Variants in DLC1 observed in about 807,000 individuals in gnomAD.
DLC1 encodes the protein rho GTPase-activating protein 7.
DLC1 carries 54 observed loss-of-function variants against 140.3 expected under a neutral mutation model. The ratio of observed to expected loss-of-function variants is 0.38; its 90% CI spans 0.31 to 0.48. DLC1 has a LOEUF of 0.48. DLC1 is among the 20% of genes least tolerant of loss of function. DLC1 has a pLI of 0.96. For synonymous variants in DLC1, 986 were observed against 728.1 expected, an observed-to-expected ratio of 1.35 and a Z score of -5.70; for missense variants, 2,536 against 1,907.0, an observed-to-expected ratio of 1.33 and a Z score of -6.14.
rs973811381 is a variant in DLC1 at position 13,099,652 on chromosome 8, C to T, written c.2685G>A (p.Ala895=). The change falls in exon 9 of 18, where the codon GCG becomes GCA. Residue 895 remains alanine (A), a synonymous_variant. Transcript: ENST00000276297. ...GGAAGATGTCCTCGTTCTCCAGATC[C>T]GCCAGGTCCCCTGAACTGGAGTAGA... is the stretch of plus-strand genomic sequence containing the variant. ...SILYSSSGDL[A]DLENEDIFPE... The T allele has an allele frequency of 4.3e-6, 7 of 1,614,152 alleles. No individual in the cohort carries two copies. The highest frequency in any genetic ancestry group is 5.1e-6 in the Non-Finnish European group (6 of 1,180,026).
At chr8:13,395,004 T>TTCTATCTATCCATCTA (rs1836957230) in intron 3 of DLC1, among the ~76,000 whole-genome samples, 1 of 100,770 alleles carries the variant, frequency 9.9e-6, no homozygotes, top group Non-Finnish European at 1.9e-5. Flanking sequence ...CTACTACATA[T>TTCTATCTATCCATCTA]TCTATCTATC....
chr8:13,268,673 T>A (rs1830789657), intron 5 of DLC1, among the ~76,000 whole-genome samples: 1 of 151,982 alleles, frequency 6.6e-6, no homozygotes, highest in African/African-American at 2.4e-5. Context: ...ATAAGCCACC[T>A]GGCCCAGCCT....
intron 5 of DLC1, among the ~76,000 whole-genome samples, chr8:13,158,678 A>G (rs1299334730): frequency 7.0e-6 from 1 of 142,396 alleles, no homozygotes; most frequent in Non-Finnish European, 1.5e-5. Flanking sequence ...AGTGCTTTTC[A>G]TTAAGGTTCC....
chr8:13,523,078 G>A (rs903012899), intron 1 of DLC1, among the ~76,000 whole-genome samples: 98 of 152,302 alleles, frequency 6.4e-4, no homozygotes, highest in African/African-American at 2.3e-3. Context: ...TTCAGTGAAA[G>A]GTAGAGCCCT....
intron 1 of DLC1, among the ~76,000 whole-genome samples, chr8:13,534,987 C>A (rs1036942204): frequency 2.0e-5 from 3 of 152,078 alleles, no homozygotes; most frequent in African/African-American, 7.3e-5. Context: ...TAGGAGAATC[C>A]TTATCTCTCG....
chr8:13,377,782 T>G (rs1182621893), intron 4 of DLC1, among the ~76,000 whole-genome samples: 1 of 152,022 alleles, frequency 6.6e-6, no homozygotes, highest in Non-Finnish European at 1.5e-5. Context: ...GAGGCACAAA[T>G]CTTGAATAGG....
intron 4 of DLC1, among the ~76,000 whole-genome samples, chr8:13,316,683 G>A (rs1418651655): frequency 6.6e-6 from 1 of 152,034 alleles, no homozygotes; most frequent in East Asian, 1.9e-4. Context: ...TTGCACCTAA[G>A]GTCATTGGTT....
At chr8:13,304,937 G>T in intron 5 of DLC1, 2 of 1,014,692 alleles carry the variant, frequency 2.0e-6, no homozygotes, top group Non-Finnish European at 2.4e-6. Context: ...ATAAACCTTG[G>T]TAATTATTAA....
At chr8:13,332,229 G>A (rs1023386888) in intron 4 of DLC1, among the ~76,000 whole-genome samples, 12 of 152,052 alleles carry the variant, frequency 7.9e-5, no homozygotes, top group African/African-American at 1.2e-4. Context: ...CTGCCTTAGC[G>A]AATAAAGCGT....
chr8:13,587,059 C>G (rs1442992184), intron 1 of DLC1, among the ~76,000 whole-genome samples: 1 of 143,386 alleles, frequency 7.0e-6, no homozygotes, highest in East Asian at 2.2e-4. Flanking sequence ...AAAACAAGCT[C>G]CACTTGGGAA....
chr8:13,569,255 C>G (rs1277397907), intron 1 of DLC1, among the ~76,000 whole-genome samples: 1 of 152,090 alleles, frequency 6.6e-6, no homozygotes, highest in Non-Finnish European at 1.5e-5. Flanking sequence ...CCTGAATTAT[C>G]TCAGTGAAAA....
intron 1 of DLC1, among the ~76,000 whole-genome samples, chr8:13,502,652 A>G (rs1222593545): frequency 6.6e-6 from 1 of 152,228 alleles, no homozygotes; most frequent in Non-Finnish European, 1.5e-5. Flanking sequence ...ATCCCCTAAT[A>G]GAGAGAAATC....
intron 4 of DLC1, among the ~76,000 whole-genome samples, chr8:13,363,370 T>TG (rs1835329806): frequency 1.2e-5 from 1 of 83,888 alleles, no homozygotes; most frequent in African/African-American, 5.0e-5. Context: ...GCATTTGCAG[T>TG]GTTTTTTTTT....
At chr8:13,119,064 A>T (rs1390990150) in intron 5 of DLC1, among the ~76,000 whole-genome samples, 1 of 151,928 alleles carries the variant, frequency 6.6e-6, no homozygotes, top group African/African-American at 2.4e-5. Context: ...CCCCATCTCT[A>T]CATAAAATAC....
At chr8:13,376,415 T>C (rs1835989295) in intron 4 of DLC1, among the ~76,000 whole-genome samples, 1 of 152,156 alleles carries the variant, frequency 6.6e-6, no homozygotes, top group African/African-American at 2.4e-5. Flanking sequence ...CTTGGTGCTA[T>C]AAGAAACATG....
At chr8:13,407,182 T>A (rs289603) in intron 2 of DLC1, among the ~76,000 whole-genome samples, 1 of 152,202 alleles carries the variant, frequency 6.6e-6, no homozygotes, top group African/African-American at 2.4e-5. Context: ...CTGAAAGAAG[T>A]TCCTAATTTA....
upstream of DLC1, among the ~76,000 whole-genome samples, chr8:13,519,113 G>A (rs1197286020): frequency 2.6e-5 from 4 of 151,608 alleles, no homozygotes; most frequent in Non-Finnish European, 5.9e-5. Flanking sequence ...TTTACATTAG[G>A]TATATCTCCT....
intron 2 of DLC1, among the ~76,000 whole-genome samples, chr8:13,405,908 TTTCTTTTCTTTTCTTTC>T (rs2117271506): frequency 7.4e-6 from 1 of 135,944 alleles, no homozygotes; most frequent in African/African-American, 2.8e-5. Flanking sequence ...TTTTTCTTTC[TTTCTTTTCTTTTCTTTC>T]TTTCTTTCTT....
chr8:13,594,449 A>T (rs1341340358), intron 1 of DLC1, among the ~76,000 whole-genome samples: 4 of 151,978 alleles, frequency 2.6e-5, no homozygotes, highest in African/African-American at 9.7e-5. Context: ...ATCTATCCTC[A>T]TTTTATTGGA....
Sources: allele counts gnomAD v4.1 joint callset (sites outside exome capture counted in the v4.1 genomes callset), GRCh38; gene constraint gnomAD v4.1.1; transcripts MANE v1.5; gene names NCBI Gene and HGNC (gene_info 2026-07-23, HGNC 2026-07-21).